The following MTA3 variants were observed in gnomAD, a reference collection of about 807,000 sequenced individuals.
MTA3 encodes metastasis-associated protein MTA3.
In MTA3, 34 loss-of-function variants were observed where a neutral mutation model predicts 83.5. That is an observed-to-expected ratio of 0.41 (90% CI 0.31 to 0.54). The LOEUF (loss-of-function observed/expected upper bound fraction) is 0.54. Ranked by LOEUF, MTA3 falls within the 20% of genes least tolerant of loss-of-function variation. The pLI, the probability that MTA3 is intolerant of heterozygous loss-of-function variation, is 0.33. For missense variants in MTA3, 761 were observed against 726.4 expected, an observed-to-expected ratio of 1.05 and a Z score of -0.55; for synonymous variants, 303 against 252.7, an observed-to-expected ratio of 1.20 and a Z score of -1.89.
chr2:42,668,786 A>T (rs1431146044), intron 8 of MTA3, among the ~76,000 whole-genome samples: 5 of 152,216 alleles, frequency 3.3e-5, no homozygotes, highest in Non-Finnish European at 7.3e-5. Flanking sequence ...TGTAAGAGTT[A>T]AAAGTGGTGA....
At chr2:42,707,500 A>G (rs995879154) in intron 12 of MTA3, among the ~76,000 whole-genome samples, 13 of 151,942 alleles carry the variant, frequency 8.6e-5, no homozygotes, top group South Asian at 6.2e-4. Flanking sequence ...GCCTGCCTCA[A>G]CCTCCCAAAG....
intron 2 of MTA3, among the ~76,000 whole-genome samples, chr2:42,526,620 T>G (rs1675721116): frequency 6.6e-6 from 1 of 152,210 alleles, no homozygotes; most frequent in Admixed American, 6.5e-5. Context: ...TTATTTGTCC[T>G]TCCTTCTATT....
intron 11 of MTA3, among the ~76,000 whole-genome samples, chr2:42,699,538 C>G (rs141262940): frequency 9.2e-5 from 14 of 152,186 alleles, no homozygotes; most frequent in Middle Eastern, 3.4e-3. Flanking sequence ...GCAGAGGGAC[C>G]AGTTATGAAG....
intron 8 of MTA3, chr2:42,680,011 T>C (rs1691728081): frequency 6.6e-6 from 1 of 152,310 alleles, no homozygotes; most frequent in Admixed American, 6.5e-5. Flanking sequence ...ATACAAACTA[T>C]TCAAGTTATA....
chr2:42,650,536 T>C (rs1460800185), intron 6 of MTA3, among the ~76,000 whole-genome samples: 8 of 152,036 alleles, frequency 5.3e-5, no homozygotes, highest in Middle Eastern at 6.8e-3. Context: ...GCCTCCCGGG[T>C]TCACGCCATT....
intron 2 of MTA3, among the ~76,000 whole-genome samples, chr2:42,525,710 C>T (rs13421197): frequency 0.36 from 54,085 of 150,614 alleles, 9,842 homozygotes; most frequent in South Asian, 0.4. Context: ...CAGGCAGGAG[C>T]ACAGTGGCAC....
chr2:42,577,105 A>AAAAAAAAAATATATATATATAT (rs1211189566), intron 2 of MTA3, among the ~76,000 whole-genome samples: 4 of 86,944 alleles, frequency 4.6e-5, no homozygotes, highest in African/African-American at 2.2e-4. Flanking sequence ...AAAAAAAAAA[A>AAAAAAAAAATATATATATATAT]ATATATATAT....
At chr2:42,586,477 A>ACACAC (rs1680301612) in intron 3 of MTA3, among the ~76,000 whole-genome samples, 3 of 72,698 alleles carry the variant, frequency 4.1e-5, no homozygotes, top group African/African-American at 1.8e-4. Flanking sequence ...AAGGAAGGAA[A>ACACAC]ACACACACAC....
intron 6 of MTA3, among the ~76,000 whole-genome samples, 182 bp from the exon 7 acceptor site, chr2:42,656,018 C>G (rs961969875): frequency 6.6e-6 from 1 of 152,224 alleles, no homozygotes; most frequent in Non-Finnish European, 1.5e-5. Flanking sequence ...AGTTTGGTGT[C>G]ATTATCATCA....
At chr2:42,499,776 A>G (rs1211987168) in intron 2 of MTA3, among the ~76,000 whole-genome samples, 3 of 148,172 alleles carry the variant, frequency 2.0e-5, no homozygotes, top group Admixed American at 6.7e-5. Context: ...CAACAGAGGG[A>G]AAAAAAAAAA....
intron 3 of MTA3, among the ~76,000 whole-genome samples, chr2:42,607,964 C>G (rs948113424): frequency 6.6e-6 from 1 of 152,138 alleles, no homozygotes; most frequent in Non-Finnish European, 1.5e-5. Flanking sequence ...AAAAGTTATA[C>G]AAATACATAA....
intron 2 of MTA3, among the ~76,000 whole-genome samples, chr2:42,522,256 GGGGTT>G (rs1675464593): frequency 6.6e-6 from 1 of 152,168 alleles, no homozygotes; most frequent in Admixed American, 6.5e-5. Context: ...AGGATCCTCA[GGGGTT>G]ACTTGCTGTA....
intron 8 of MTA3, among the ~76,000 whole-genome samples, chr2:42,672,989 GGTGCGCGCCATCAT>G (rs1325662504): frequency 6.6e-6 from 1 of 151,836 alleles, no homozygotes; most frequent in African/African-American, 2.4e-5. Context: ...TGGGATTACA[GGTGCGCGCCATCAT>G]GTCCAGCTAA....
intron 11 of MTA3, among the ~76,000 whole-genome samples, chr2:42,701,731 C>T (rs1244139631): frequency 6.6e-6 from 1 of 151,734 alleles, no homozygotes; most frequent in African/African-American, 2.4e-5. Context: ...GCCTGGCCAA[C>T]ATGGTGAAAC....
chr2:42,640,282 A>C lies in MTA3; in HGVS notation c.381+46A>C, dbSNP rs572651292. 546 of 1,309,878 alleles carry C rather than the reference A, an allele frequency of 4.2e-4. 2 individuals carry two copies. Among genetic ancestry groups the C allele is most frequent in the South Asian group, 1.7e-4 (13 of 75,226 alleles). The allele number at this position is 1,309,878 out of a possible 1,614,324, so 81.1% of individuals were successfully genotyped here. ...TTTTGTTTTTTTCTCCCTTTATTTC[A>C]CATGAAGCTCTTTCCTTGGAATTTA... On this transcript the variant is annotated intron_variant, in intron 5 of 16. Coordinates refer to ENST00000405094, the MANE Select transcript of MTA3 (RefSeq NM_001330442.2).
rs142655685 is a variant in MTA3, at chr2:42,556,389, G to A, written c.-140-14048G>A. ...GCCCAGCCTTGAAGTCATTTGTGAC[G>A]CTCTCTGCCTTACTGAAGAAAAATG... On this transcript the variant is annotated intron_variant, in intron 2 of 17. Transcript: ENST00000405592. Among the ~76,000 whole-genome samples the A allele has an allele frequency of 9.8e-4, 150 of 152,310 alleles. No individual in the cohort carries two copies. In the Middle Eastern group the frequency reaches 0.037, roughly 38 times the overall value.
Position 42,578,351 on chromosome 2 carries a change from T to G in MTA3, c.97-756T>G, listed in dbSNP as rs143490371. On this transcript the variant is annotated intron_variant, in intron 2 of 16. Transcript: ENST00000405094. ...TGCAGTAAATGACAGCATAACTGAATTTTTTTTTGAAGCCATCATACTTTG... is the reference window on the plus strand; with the variant it reads ...TGCAGTAAATGACAGCATAACTGAAGTTTTTTTTGAAGCCATCATACTTTG... Among the ~76,000 whole-genome samples the G allele has an allele frequency of 7.0e-3, 1,066 of 151,832 alleles. 14 individuals are homozygous for G. Among genetic ancestry groups the G allele is most frequent in the African/African-American group, 0.023 (958 of 41,462 alleles).
At chr2:42,543,900 A>C (rs1676638087) in intron 2 of MTA3, among the ~76,000 whole-genome samples, 1 of 151,978 alleles carries the variant, frequency 6.6e-6, no homozygotes, top group Non-Finnish European at 1.5e-5. Flanking sequence ...TATATTGCCT[A>C]GGCTTGTCTC....
At chr2:42,539,083 T>A (rs1349283966) in intron 2 of MTA3, among the ~76,000 whole-genome samples, 2 of 152,004 alleles carry the variant, frequency 1.3e-5, no homozygotes, top group African/African-American at 4.8e-5. Flanking sequence ...CTGAAAAAAA[T>A]GTTATAAGTG....
Sources: allele counts gnomAD v4.1 joint callset (sites outside exome capture counted in the v4.1 genomes callset), GRCh38; gene constraint gnomAD v4.1.1; transcripts MANE v1.5; gene names NCBI Gene and HGNC (gene_info 2026-07-23, HGNC 2026-07-21).